The following OMA1 variants were observed in gnomAD, a reference collection of about 807,000 sequenced individuals.
OMA1 encodes OMA1 zinc metallopeptidase, also known as metalloendopeptidase OMA1, mitochondrial.
In OMA1, 38 loss-of-function variants were observed where a neutral mutation model predicts 30.9. The observed-to-expected ratio is 1.23, with a 90% CI of 0.95 to 1.61. The LOEUF is 1.61. OMA1 is among the 40% of genes most tolerant of loss of function. The pLI, the probability that OMA1 is intolerant of heterozygous loss-of-function variation, is 0.00. For synonymous variants in OMA1, 173 were observed against 121.9 expected (o/e 1.42, Z -2.76); for missense variants, 461 against 349.2 (o/e 1.32, Z -2.55).
intron 8 of OMA1, among the ~76,000 whole-genome samples, chr1:58,492,481 G>A (rs539300868): frequency 1.3e-5 from 2 of 152,238 alleles, no homozygotes; most frequent in South Asian, 4.1e-4. Context: ...CCAGGAGTTG[G>A]TTTTTTGAAA....
chr1:58,545,115 C>G (rs1646680272), intron 1 of OMA1, among the ~76,000 whole-genome samples: 1 of 152,150 alleles, frequency 6.6e-6, no homozygotes, highest in Non-Finnish European at 1.5e-5. Flanking sequence ...GGCACCTTCC[C>G]CAACCCTCCT....
chr1:58,542,810 A>T (rs1034992609), intron 1 of OMA1, among the ~76,000 whole-genome samples: 1 of 152,208 alleles, frequency 6.6e-6, no homozygotes, highest in Non-Finnish European at 1.5e-5. Flanking sequence ...GGCCACATTC[A>T]TCCCTAGCAA....
intron 7 of OMA1, among the ~76,000 whole-genome samples, chr1:58,517,883 T>A (rs1416957336): frequency 1.3e-5 from 2 of 151,702 alleles, no homozygotes; most frequent in African/African-American, 4.8e-5. Flanking sequence ...CTTAAAGCCT[T>A]ATCTTAAGAA....
intron 7 of OMA1, among the ~76,000 whole-genome samples, chr1:58,523,663 G>A (rs6662905): frequency 0.12 from 17,811 of 152,160 alleles, 1,231 homozygotes; most frequent in African/African-American, 0.18. Context: ...ACTTTGGGAG[G>A]CCAAGGAGGG....
chr1:58,512,231 C>T (rs989511393), intron 7 of OMA1, among the ~76,000 whole-genome samples: 5 of 151,968 alleles, frequency 3.3e-5, no homozygotes, highest in African/African-American at 1.2e-4. Context: ...GGTTATCTAT[C>T]ATTGAAAAAA....
chr1:58,542,990 T>TTTA (rs372514731), intron 1 of OMA1, among the ~76,000 whole-genome samples: 3 of 145,232 alleles, frequency 2.1e-5, no homozygotes, highest in African/African-American at 7.6e-5. Flanking sequence ...AAAGCTTTTT[T>TTTA]AAAAAAAAAA....
At chr1:58,522,774 AG>A (rs1464102961) in intron 7 of OMA1, among the ~76,000 whole-genome samples, 1 of 152,232 alleles carries the variant, frequency 6.6e-6, no homozygotes, top group Non-Finnish European at 1.5e-5. Context: ...AAAATAAGCT[AG>A]AGAAAGGAAA....
chr1:58,491,609 G>A (rs1161680764), intron 8 of OMA1, among the ~76,000 whole-genome samples: 1 of 152,078 alleles, frequency 6.6e-6, no homozygotes, highest in Non-Finnish European at 1.5e-5. Flanking sequence ...GGCAGGGGTT[G>A]CAATCCTAGT....
Position 58,481,057 on chromosome 1 carries a change from T to C in OMA1, c.1483A>G (p.Ile495Val), listed in dbSNP as rs766615548. 1.1e-6 allele frequency: 1 copy of C among 872,078 alleles called. No individual in the cohort carries two copies. Among genetic ancestry groups the C allele is most frequent in the East Asian group, 2.4e-5 (1 of 41,580 alleles). The allele number at this position is 872,078 out of a possible 1,614,324, so 54.0% of individuals were successfully genotyped here. A position where few individuals can be genotyped will look rare whatever the true frequency, so the allele number is the denominator to read the frequency against. Residue 495 changes from isoleucine (I) to valine (V), a missense_variant, in exon 9 of 9, where the codon ATC (isoleucine) becomes GTC (valine). Physicochemically the swap from Ile to Val is conservative, Grantham distance 29. Coordinates refer to ENST00000371226, the MANE Select transcript of OMA1 (RefSeq NM_145243.5). Reference sequence around the variant, plus strand: ...GTATCCATTTTCTGTTTCTTCGTGATATTTAGGTCTTCTTTCTCTGATTCT... The same window carrying C: ...GTATCCATTTTCTGTTTCTTCGTGACATTTAGGTCTTCTTTCTCTGATTCT... Reference protein sequence around the residue: ...LEESEKEDLNITKKQKMDTLP... With the variant: ...LEESEKEDLNVTKKQKMDTLP...
intron 2 of OMA1, 101 bp from the exon 3 acceptor site, chr1:58,536,842 A>G: frequency 1.5e-6 from 1 of 689,044 alleles, no homozygotes; most frequent in Non-Finnish European, 2.6e-6. Flanking sequence ...AAATACCTGA[A>G]TTTGTATGAT....
At chr1:58,512,254 G>A (rs182471049) in intron 7 of OMA1, among the ~76,000 whole-genome samples, 29 of 152,254 alleles carry the variant, frequency 1.9e-4, no homozygotes, top group East Asian at 3.9e-4. Context: ...AGACATCTAA[G>A]TGTTGGCAAG....
intron 7 of OMA1, among the ~76,000 whole-genome samples, chr1:58,514,259 T>C (rs1342186728): frequency 6.6e-6 from 1 of 152,176 alleles, no homozygotes; most frequent in African/African-American, 2.4e-5. Flanking sequence ...TACTATTAAA[T>C]TATAAATTCA....
In OMA1 at chr1:58,496,915, C is replaced by T. The variant is rs528274134; in HGVS notation, c.1365+9145G>A. ...GCAGGGTGGTGCTAAATTATCACCC[C>T]ACAATCACTTGCTGGCCACAAGGAA... is the stretch of plus-strand genomic sequence containing the variant. On this transcript the variant is annotated intron_variant, in intron 8 of 8. Transcript: ENST00000371226. Among the ~76,000 whole-genome samples the T allele has an allele frequency of 5.3e-5, 8 of 152,258 alleles. No homozygotes were observed. In the South Asian group the frequency reaches 1.7e-3, roughly 32 times the overall value.
chr1:58,498,798 A>T (rs926709763), intron 8 of OMA1, among the ~76,000 whole-genome samples: 2 of 144,504 alleles, frequency 1.4e-5, no homozygotes, highest in Non-Finnish European at 2.9e-5. Flanking sequence ...TTCATCTTTT[A>T]AAAAAATTAT....
chr1:58,498,722 T>G (rs1410946006), intron 8 of OMA1, among the ~76,000 whole-genome samples: 2 of 152,210 alleles, frequency 1.3e-5, no homozygotes, highest in Non-Finnish European at 2.9e-5. Flanking sequence ...TATTACAGTT[T>G]CCCTCATTAA....
chr1:58,503,547 A>G (rs991896310), intron 8 of OMA1, among the ~76,000 whole-genome samples: 1 of 152,046 alleles, frequency 6.6e-6, no homozygotes, highest in Non-Finnish European at 1.5e-5. Context: ...CCAACTCCCA[A>G]TGTGATGGTA....
intron 7 of OMA1, among the ~76,000 whole-genome samples, chr1:58,521,106 AGT>A (rs909375608): frequency 2.0e-5 from 3 of 152,212 alleles, no homozygotes; most frequent in African/African-American, 7.2e-5. Context: ...ATCCAATCAG[AGT>A]GTAACTAAGC....
At chr1:58,541,914 A>G (rs1298905877) in intron 1 of OMA1, among the ~76,000 whole-genome samples, 3 of 152,174 alleles carry the variant, frequency 2.0e-5, no homozygotes, top group Non-Finnish European at 4.4e-5. Flanking sequence ...TGTTCCTTAA[A>G]TTTTTCTGCA....
intron 5 of OMA1, 161 bp downstream of exon 5, chr1:58,533,792 T>C (rs1371989661): frequency 5.0e-6 from 3 of 597,182 alleles, no homozygotes; most frequent in Non-Finnish European, 8.9e-6. Context: ...TTCTCAAAAT[T>C]AGCCAATCAC....
Sources: allele counts gnomAD v4.1 joint callset (sites outside exome capture counted in the v4.1 genomes callset), GRCh38; gene constraint gnomAD v4.1.1; transcripts MANE v1.5; gene names NCBI Gene and HGNC (gene_info 2026-07-23, HGNC 2026-07-21).